MAGI1: variants seen among roughly 807,000 people sequenced by gnomAD.
MAGI1 encodes membrane associated guanylate kinase, WW and PDZ domain containing 1.
MAGI1 carries 58 observed loss-of-function variants against 139.9 expected under a neutral mutation model. The ratio of observed to expected loss-of-function variants is 0.41; its 90% CI spans 0.34 to 0.52. The LOEUF is 0.52. Among genes scored for constraint, MAGI1 ranks in the 20% least tolerant of loss-of-function variants. The probability of loss-of-function intolerance (pLI) is 0.12; values close to 1 mark genes in which losing one functional copy is unlikely to be tolerated. For missense variants in MAGI1, 1,874 were observed against 1,901.6 expected (o/e 0.99, Z 0.27); for synonymous variants, 812 against 737.9 (o/e 1.10, Z -1.63).
intron 1 of MAGI1, among the ~76,000 whole-genome samples, chr3:65,693,400 G>C (rs942535203): frequency 1.3e-5 from 2 of 152,170 alleles, no homozygotes; most frequent in African/African-American, 4.8e-5. Flanking sequence ...TTGGACCCTT[G>C]TCCACAGTGC....
intron 1 of MAGI1, among the ~76,000 whole-genome samples, chr3:65,628,352 A>G (rs192599647): frequency 1.6e-4 from 24 of 151,456 alleles, no homozygotes; most frequent in Non-Finnish European, 1.0e-4. Context: ...TATTCCAGCA[A>G]AAAGATACAA....
At chr3:65,968,014 A>G (rs2064842821) in intron 1 of MAGI1, among the ~76,000 whole-genome samples, 1 of 152,228 alleles carries the variant, frequency 6.6e-6, no homozygotes, top group Non-Finnish European at 1.5e-5. Context: ...CTGGTGCTGT[A>G]CGGAATGTAA....
At chr3:65,598,546 A>G (rs1408132041) in intron 2 of MAGI1, among the ~76,000 whole-genome samples, 1 of 152,226 alleles carries the variant, frequency 6.6e-6, no homozygotes, top group Admixed American at 6.5e-5. Context: ...GTTTGAAATA[A>G]TTGTCTTCCT....
intron 1 of MAGI1, among the ~76,000 whole-genome samples, chr3:65,796,380 C>A (rs900840880): frequency 4.6e-5 from 7 of 152,114 alleles, no homozygotes; most frequent in African/African-American, 1.7e-4. Flanking sequence ...GAATACCTTC[C>A]CAGCGACATC....
chr3:65,357,547 TCTTTG>T (rs1190155762), intron 22 of MAGI1, among the ~76,000 whole-genome samples: 2 of 142,676 alleles, frequency 1.4e-5, no homozygotes, highest in Admixed American at 1.4e-4. Context: ...AAGAAAATAT[TCTTTG>T]CTTTAAAGAA....
chr3:65,871,607 A>G (rs1022771569), intron 1 of MAGI1, among the ~76,000 whole-genome samples: 1 of 152,262 alleles, frequency 6.6e-6, no homozygotes, highest in Non-Finnish European at 1.5e-5. Flanking sequence ...CTGGAAACAC[A>G]GCAGGTGGAG....
intron 2 of MAGI1, among the ~76,000 whole-genome samples, chr3:65,527,000 G>A (rs2078415634): frequency 6.6e-6 from 1 of 152,146 alleles, no homozygotes; most frequent in African/African-American, 2.4e-5. Flanking sequence ...AAAGAAAGCA[G>A]GCTTTAAAAA....
At chr3:65,619,035 A>G (rs563663642) in intron 2 of MAGI1, among the ~76,000 whole-genome samples, 2 of 152,328 alleles carry the variant, frequency 1.3e-5, no homozygotes, top group South Asian at 4.1e-4. Context: ...TCTTGAATAA[A>G]GGGAAGATAA....
intron 1 of MAGI1, among the ~76,000 whole-genome samples, chr3:65,647,413 C>T (rs1367148012): frequency 6.6e-6 from 1 of 152,022 alleles, no homozygotes. Flanking sequence ...GATACCAAAA[C>T]CAAAGACAGT....
At position 65,902,731 on chromosome 3, in the gene MAGI1, C is replaced by A. The variant is rs150566594; in HGVS notation, c.313+135265G>T. The A allele has an allele frequency of 3.9e-5, 6 of 152,778 alleles. No homozygotes were observed. In the East Asian group the frequency reaches 1.2e-3, roughly 30 times the overall value. The allele number at this position is 152,778 out of a possible 1,614,324, so 9.5% of individuals were successfully genotyped here. Reference sequence around the variant, plus strand: ...GAATGCAGGAAACTGAGCATGCTCCCCATCAGGGAGCAGCACTAGGGCAGG... The same window carrying A: ...GAATGCAGGAAACTGAGCATGCTCCACATCAGGGAGCAGCACTAGGGCAGG... On this transcript the variant is annotated intron_variant, in intron 1 of 22. Coordinates refer to ENST00000402939, the MANE Select transcript of MAGI1 (RefSeq NM_001033057.2).
chr3:65,364,479 T>G (rs775383055), intron 20 of MAGI1, among the ~76,000 whole-genome samples, 186 bp downstream of exon 20: 21 of 152,168 alleles, frequency 1.4e-4, no homozygotes, highest in Non-Finnish European at 2.4e-4. Context: ...CTAGGAATAT[T>G]TTAAGGTAGT....
intron 1 of MAGI1, among the ~76,000 whole-genome samples, chr3:65,646,271 C>T (rs1366073201): frequency 1.3e-5 from 2 of 151,636 alleles, no homozygotes; most frequent in Non-Finnish European, 2.9e-5. Flanking sequence ...ACAATGTGGG[C>T]TTTACAGCAA....
At chr3:65,714,336 A>G (rs1031483672) in intron 1 of MAGI1, among the ~76,000 whole-genome samples, 1 of 152,036 alleles carries the variant, frequency 6.6e-6, no homozygotes, top group Non-Finnish European at 1.5e-5. Flanking sequence ...CGCAGTGAAC[A>G]ATCTTGAGAG....
chr3:65,522,244 T>C (rs1220783927), intron 2 of MAGI1, among the ~76,000 whole-genome samples: 1 of 152,200 alleles, frequency 6.6e-6, no homozygotes, highest in East Asian at 1.9e-4. Flanking sequence ...TTGAATATGC[T>C]GATATTAATT....
chr3:65,993,901 A>G (rs560176943), intron 1 of MAGI1, among the ~76,000 whole-genome samples: 2 of 152,258 alleles, frequency 1.3e-5, no homozygotes, highest in Admixed American at 1.3e-4. Flanking sequence ...CAGAGAAGAA[A>G]GGTAATTCCC....
intron 12 of MAGI1, among the ~76,000 whole-genome samples, chr3:65,420,223 C>G (rs1470528230): frequency 6.6e-6 from 1 of 152,140 alleles, no homozygotes; most frequent in Non-Finnish European, 1.5e-5. Context: ...GGCCTCCAGT[C>G]TCTGACTTCA....
At chr3:65,486,184 GC>G (rs1172791348) in intron 3 of MAGI1, among the ~76,000 whole-genome samples, 1 of 152,120 alleles carries the variant, frequency 6.6e-6, no homozygotes, top group African/African-American at 2.4e-5. Flanking sequence ...CTTCTAGGAA[GC>G]AAAACAATAA....
intron 1 of MAGI1, among the ~76,000 whole-genome samples, chr3:65,685,859 A>G (rs765713622): frequency 3.2e-4 from 49 of 152,248 alleles, no homozygotes; most frequent in Middle Eastern, 3.4e-3. Flanking sequence ...GAAAAACACA[A>G]TTCAGTCTGT....
intron 12 of MAGI1, among the ~76,000 whole-genome samples, chr3:65,418,500 G>A (rs1946396526): frequency 6.6e-6 from 1 of 152,110 alleles, no homozygotes; most frequent in Non-Finnish European, 1.5e-5. Flanking sequence ...CTTCTGCACA[G>A]TTTACACAGA....
Sources: allele counts gnomAD v4.1 joint callset (sites outside exome capture counted in the v4.1 genomes callset), GRCh38; gene constraint gnomAD v4.1.1; transcripts MANE v1.5; gene names NCBI Gene and HGNC (gene_info 2026-07-23, HGNC 2026-07-21).